The following CNTNAP5 variants were observed in gnomAD, a reference collection of about 807,000 sequenced individuals.
CNTNAP5 encodes the protein contactin associated protein family member 5.
CNTNAP5 carries 72 observed loss-of-function variants against 150.2 expected under a neutral mutation model. The observed-to-expected ratio is 0.48, with a 90% CI of 0.40 to 0.58. The LOEUF (loss-of-function observed/expected upper bound fraction) is 0.58. Among genes scored for constraint, CNTNAP5 ranks in the 20% least tolerant of loss-of-function variants. The probability of loss-of-function intolerance (pLI) is 0.00; values close to 1 mark genes in which losing one functional copy is unlikely to be tolerated. For missense variants in CNTNAP5, 1,636 were observed against 1,626.2 expected (o/e 1.01, Z -0.10); for synonymous variants, 672 against 619.8 (o/e 1.08, Z -1.25).
At chr2:124,608,690 T>C (rs1194406842) in intron 11 of CNTNAP5, among the ~76,000 whole-genome samples, 1 of 152,186 alleles carries the variant, frequency 6.6e-6, no homozygotes, top group African/African-American at 2.4e-5. Flanking sequence ...TTCACACATG[T>C]AATCCCAGCA....
intron 13 of CNTNAP5, among the ~76,000 whole-genome samples, chr2:124,729,145 C>T (rs536496221): frequency 2.0e-5 from 3 of 152,036 alleles, no homozygotes; most frequent in South Asian, 4.1e-4. Flanking sequence ...CTGCAGGAGT[C>T]AGCCCACTCA....
chr2:124,823,991 T>G (rs1682542048), intron 19 of CNTNAP5, among the ~76,000 whole-genome samples: 1 of 151,150 alleles, frequency 6.6e-6, no homozygotes, highest in Admixed American at 6.6e-5. Context: ...GGATCTCGGC[T>G]CACTTCAGCC....
chr2:124,745,694 C>A (rs1230191768), intron 13 of CNTNAP5, among the ~76,000 whole-genome samples: 1 of 152,204 alleles, frequency 6.6e-6, no homozygotes, highest in Non-Finnish European at 1.5e-5. Context: ...AATTGAAACT[C>A]TAGCTTTAAA....
intron 7 of CNTNAP5, among the ~76,000 whole-genome samples, chr2:124,480,630 CTATAATCTCTT>C (rs1401569608): frequency 4.6e-5 from 7 of 152,162 alleles, no homozygotes; most frequent in Non-Finnish European, 1.0e-4. Flanking sequence ...CTAGTAAAGC[CTATAATCTCTT>C]TAGCTTGTTT....
Position 124,609,902 on chromosome 2 carries a change from G to T in CNTNAP5, c.1858G>T (p.Val620Leu). 6.2e-7 allele frequency: 1 copy of T among 1,613,856 alleles called. No homozygotes were observed. The highest frequency in any genetic ancestry group is 8.5e-7 in the Non-Finnish European group (1 of 1,179,806). The part of the protein sequence containing the change: ...DGSGPLGPLQ[V>L]YCNITEDKIW... ...CAGCGGCCCACTGGGACCTCTCCAG[G>T]TGTACTGCAATATCACTGGTAAGGG... is the stretch of plus-strand genomic sequence containing the variant. The change falls in exon 12 of 24, where the codon GTG becomes TTG. Residue 620 changes from valine (V) to leucine (L), a missense_variant. Physicochemically the swap from Val to Leu is conservative, Grantham distance 32. Transcript: ENST00000682447.
At chr2:124,781,162 A>G (rs1681442625) in intron 17 of CNTNAP5, among the ~76,000 whole-genome samples, 1 of 152,122 alleles carries the variant, frequency 6.6e-6, no homozygotes, top group Non-Finnish European at 1.5e-5. Context: ...AATATTTTCC[A>G]AGTGCATGCT....
intron 10 of CNTNAP5, among the ~76,000 whole-genome samples, chr2:124,547,716 A>G (rs1481352362): frequency 6.6e-6 from 1 of 152,164 alleles, no homozygotes; most frequent in Admixed American, 6.5e-5. Context: ...ATTTAAGATT[A>G]AAGAGTAAGG....
At chr2:124,400,669 G>GTTTTTTTTTTTTT (rs760418441) in intron 3 of CNTNAP5, among the ~76,000 whole-genome samples, 19 of 84,490 alleles carry the variant, frequency 2.2e-4, no homozygotes, top group African/African-American at 2.6e-4. Flanking sequence ...TAAAGGCATT[G>GTTTTTTTTTTTTT]TTTTTTTTTT....
At chr2:124,212,945 T>A (rs1246084312) in intron 1 of CNTNAP5, among the ~76,000 whole-genome samples, 1 of 148,088 alleles carries the variant, frequency 6.8e-6, no homozygotes, top group African/African-American at 2.5e-5. Context: ...TTCATGCCAT[T>A]CTCCTGCCTC....
chr2:124,693,407 CA>C (rs1679338460), intron 13 of CNTNAP5, among the ~76,000 whole-genome samples: 1 of 152,016 alleles, frequency 6.6e-6, no homozygotes, highest in African/African-American at 2.4e-5. Context: ...AGACATTGTG[CA>C]AAGTTCTGAA....
intron 3 of CNTNAP5, among the ~76,000 whole-genome samples, chr2:124,281,734 T>C (rs1688016595): frequency 6.6e-6 from 1 of 152,028 alleles, no homozygotes; most frequent in Admixed American, 6.6e-5. Context: ...TCTGCAGTGG[T>C]TTCACAAGCG....
At chr2:124,880,255 TATC>T (rs1677939728) in intron 21 of CNTNAP5, among the ~76,000 whole-genome samples, 1 of 152,172 alleles carries the variant, frequency 6.6e-6, no homozygotes, top group Non-Finnish European at 1.5e-5. Flanking sequence ...CTTGCACAAT[TATC>T]ATTGCCAGTG....
chr2:124,510,477 G>GTATATATATATATATATA (rs70996072), intron 8 of CNTNAP5, among the ~76,000 whole-genome samples: 3 of 102,600 alleles, frequency 2.9e-5, no homozygotes, highest in East Asian at 2.7e-4. Flanking sequence ...TTATGTATGT[G>GTATATATATATATATATA]TATATATATA....
At chr2:124,126,191 C>G (rs1372578473) in intron 1 of CNTNAP5, among the ~76,000 whole-genome samples, 3 of 151,850 alleles carry the variant, frequency 2.0e-5, no homozygotes, top group Non-Finnish European at 2.9e-5. Flanking sequence ...GAAGAAAAGA[C>G]AGAAGAATCA....
chr2:124,545,975 C>G (rs944589406), intron 10 of CNTNAP5, among the ~76,000 whole-genome samples: 2 of 152,110 alleles, frequency 1.3e-5, no homozygotes, highest in African/African-American at 4.8e-5. Flanking sequence ...GCCCTACCAA[C>G]TGATAGCTTC....
intron 7 of CNTNAP5, among the ~76,000 whole-genome samples, chr2:124,488,699 A>G (rs1362081585): frequency 2.0e-5 from 3 of 152,234 alleles, no homozygotes; most frequent in African/African-American, 2.4e-5. Flanking sequence ...TTGGAGGTGC[A>G]TAGTAAATAT....
chr2:124,345,213 T>G (rs1196579198), intron 3 of CNTNAP5, among the ~76,000 whole-genome samples: 1 of 152,186 alleles, frequency 6.6e-6, no homozygotes. Flanking sequence ...ATAGAACATT[T>G]TGTAGAACGT....
At chr2:124,393,757 G>C (rs1011882769) in intron 3 of CNTNAP5, among the ~76,000 whole-genome samples, 1 of 152,194 alleles carries the variant, frequency 6.6e-6, no homozygotes, top group African/African-American at 2.4e-5. Flanking sequence ...CCCAGGCTCA[G>C]GCTTTCTCTG....
chr2:124,548,037 A>T (rs925905377), intron 10 of CNTNAP5, among the ~76,000 whole-genome samples: 3 of 152,204 alleles, frequency 2.0e-5, no homozygotes, highest in African/African-American at 7.2e-5. Context: ...GGTTTTCATT[A>T]GTATAAGTCT....
Sources: gnomAD v4.1 joint callset for allele counts (sites outside exome capture counted in the v4.1 genomes callset) on GRCh38, gnomAD v4.1.1 for gene constraint, MANE v1.5 for transcripts, NCBI Gene and HGNC (gene_info 2026-07-23, HGNC 2026-07-21) for gene names.